The following CNTN5 variants were observed in gnomAD, a reference collection of about 807,000 sequenced individuals.
CNTN5 encodes contactin-5.
CNTN5 carries 77 observed loss-of-function variants against 129.1 expected under a neutral mutation model. That is an observed-to-expected ratio of 0.60 (90% CI 0.50 to 0.72). CNTN5 has a LOEUF of 0.72. Among genes scored for constraint, CNTN5 ranks in the 30% least tolerant of loss-of-function variants. CNTN5 has a pLI of 0.00. For missense variants in CNTN5, 1,478 were observed against 1,328.8 expected (o/e 1.11, Z -1.75); for synonymous variants, 509 against 465.6 (o/e 1.09, Z -1.20).
At chr11:99,615,484 G>T (rs1047963613) in intron 3 of CNTN5, among the ~76,000 whole-genome samples, 1 of 152,040 alleles carries the variant, frequency 6.6e-6, no homozygotes, top group Non-Finnish European at 1.5e-5. Flanking sequence ...CCTATATTTG[G>T]ATGAATAGTG....
chr11:99,028,209 CTG>C (rs1271139125), intron 1 of CNTN5, among the ~76,000 whole-genome samples: 1 of 151,872 alleles, frequency 6.6e-6, no homozygotes, highest in Non-Finnish European at 1.5e-5. Flanking sequence ...AAATATATGA[CTG>C]TGTTTGTTTG....
At chr11:99,976,316 G>A (rs941322336) in intron 8 of CNTN5, among the ~76,000 whole-genome samples, 2 of 152,192 alleles carry the variant, frequency 1.3e-5, no homozygotes, top group South Asian at 2.1e-4. Context: ...ACTGTTGGTG[G>A]ATCTAGCATT....
chr11:100,340,564 G>T lies in CNTN5; in HGVS notation c.2832G>T (p.Thr944=). ...FVILTGLEGN[T]LYHFTVRAYN... ...TCCTAACAGGATTAGAAGGAAATACGTTATATCACTTCACAGTGAGGGCTT... is the reference window on the plus strand; with the variant it reads ...TCCTAACAGGATTAGAAGGAAATACTTTATATCACTTCACAGTGAGGGCTT... The change falls in exon 22 of 25, where the codon ACG becomes ACT. Residue 944 remains threonine (T), a synonymous_variant. Transcript: ENST00000524871. 1 of 1,613,370 alleles carries T rather than the reference G, an allele frequency of 6.2e-7. No individual in the cohort carries two copies. The highest frequency in any genetic ancestry group is 8.5e-7 in the Non-Finnish European group (1 of 1,179,554).
At chr11:99,654,024 CA>C (rs1952255766) in intron 3 of CNTN5, among the ~76,000 whole-genome samples, 1 of 150,994 alleles carries the variant, frequency 6.6e-6, no homozygotes, top group African/African-American at 2.4e-5. Context: ...AAAACAAAAT[CA>C]AAAAAGCCGT....
chr11:99,202,870 GTTTGAAAATA>G (rs1171786575), intron 1 of CNTN5, among the ~76,000 whole-genome samples: 1 of 151,664 alleles, frequency 6.6e-6, no homozygotes. Flanking sequence ...CTGCCCATAT[GTTTGAAAATA>G]TTTTCAATGG....
chr11:100,211,268 G>T (rs7115798), intron 15 of CNTN5, among the ~76,000 whole-genome samples: 7 of 151,984 alleles, frequency 4.6e-5, no homozygotes, highest in African/African-American at 1.7e-4. Context: ...CAGCATTTAC[G>T]TATTTCTGCT....
chr11:99,977,538 T>A (rs548606129), intron 8 of CNTN5, among the ~76,000 whole-genome samples: 1 of 152,290 alleles, frequency 6.6e-6, no homozygotes, highest in African/African-American at 2.4e-5. Context: ...CTCAGGAAAC[T>A]TACAATCATG....
At chr11:99,120,009 G>A (rs1306676313) in intron 1 of CNTN5, among the ~76,000 whole-genome samples, 1 of 152,132 alleles carries the variant, frequency 6.6e-6, no homozygotes, top group African/African-American at 2.4e-5. Context: ...GTTCTGTGTA[G>A]ATGCTGGACA....
intron 2 of CNTN5, among the ~76,000 whole-genome samples, chr11:99,538,603 G>A (rs746642427): frequency 2.0e-5 from 3 of 152,062 alleles, no homozygotes; most frequent in Admixed American, 6.6e-5. Flanking sequence ...ATATCATTCC[G>A]CATGGCAGAT....
At chr11:100,268,102 G>A (rs971236017) in intron 17 of CNTN5, among the ~76,000 whole-genome samples, 13 of 152,166 alleles carry the variant, frequency 8.5e-5, no homozygotes, top group Admixed American at 3.3e-4. Context: ...TGGAGTTACT[G>A]TTAAGTGACA....
At chr11:99,246,492 C>T (rs59572152) in intron 1 of CNTN5, among the ~76,000 whole-genome samples, 2,583 of 152,120 alleles carry the variant, frequency 0.017, 85 homozygotes, top group African/African-American at 0.059. Context: ...AGAATTTCAG[C>T]GCAAGTTATA....
chr11:99,968,616 T>G (rs1951159581), intron 8 of CNTN5, among the ~76,000 whole-genome samples: 1 of 151,732 alleles, frequency 6.6e-6, no homozygotes, highest in East Asian at 1.9e-4. Context: ...ATTAGTCTGT[T>G]TATCATAAAG....
chr11:99,811,064 T>G (rs1468351265), intron 3 of CNTN5, among the ~76,000 whole-genome samples: 1 of 152,084 alleles, frequency 6.6e-6, no homozygotes, highest in Non-Finnish European at 1.5e-5. Flanking sequence ...ACTTCAAAAG[T>G]AGGGAATACA....
intron 2 of CNTN5, among the ~76,000 whole-genome samples, chr11:99,436,692 A>G (rs918265889): frequency 6.6e-6 from 1 of 152,186 alleles, no homozygotes; most frequent in East Asian, 1.9e-4. Context: ...GAGGACAATA[A>G]TAATATGTTA....
chr11:99,142,702 G>A (rs1859580993), intron 1 of CNTN5, among the ~76,000 whole-genome samples: 1 of 152,116 alleles, frequency 6.6e-6, no homozygotes, highest in Non-Finnish European at 1.5e-5. Flanking sequence ...TGGGGGATAA[G>A]CATCCCTGGG....
intron 2 of CNTN5, among the ~76,000 whole-genome samples, chr11:99,378,318 A>G (rs976068321): frequency 2.6e-5 from 4 of 152,104 alleles, no homozygotes; most frequent in Non-Finnish European, 5.9e-5. Flanking sequence ...TTTGCTAGTC[A>G]TCCTACCCAC....
intron 17 of CNTN5, among the ~76,000 whole-genome samples, chr11:100,261,798 CAA>C (rs1339664683): frequency 3.3e-5 from 5 of 152,152 alleles, no homozygotes; most frequent in Admixed American, 3.3e-4. Context: ...AAAATTAACT[CAA>C]GATGGATTTA....
At chr11:99,031,748 G>A (rs1863384051) in intron 1 of CNTN5, among the ~76,000 whole-genome samples, 1 of 150,924 alleles carries the variant, frequency 6.6e-6, no homozygotes, top group South Asian at 2.1e-4. Flanking sequence ...CTAAATTCAT[G>A]GCTTAGTTTT....
At chr11:100,133,113 GACCACATA>G (rs1355115323) in intron 13 of CNTN5, among the ~76,000 whole-genome samples, 1 of 152,052 alleles carries the variant, frequency 6.6e-6, no homozygotes, top group African/African-American at 2.4e-5. Context: ...TCTCAAAAAT[GACCACATA>G]GATCAAAAGA....
Sources: gnomAD v4.1 joint callset for allele counts (sites outside exome capture counted in the v4.1 genomes callset) on GRCh38, gnomAD v4.1.1 for gene constraint, MANE v1.5 for transcripts, NCBI Gene and HGNC (gene_info 2026-07-23, HGNC 2026-07-21) for gene names.